The following FAM83A variants were observed in gnomAD, a reference collection of about 807,000 sequenced individuals.
FAM83A encodes the protein scaffolding CK1 anchoring protein A.
In FAM83A, 21 loss-of-function variants were observed where a neutral mutation model predicts 24.4. The ratio of observed to expected loss-of-function variants is 0.86; its 90% CI spans 0.61 to 1.24. The LOEUF (loss-of-function observed/expected upper bound fraction) is 1.24. Ranked by LOEUF, FAM83A falls within the 50% of genes most tolerant of loss-of-function variation. FAM83A has a pLI of 0.00. For synonymous variants in FAM83A, 270 were observed against 252.4 expected, an observed-to-expected ratio of 1.07 and a Z score of -0.66; for missense variants, 617 against 579.8, an observed-to-expected ratio of 1.06 and a Z score of -0.66.
Position 123,209,833 on chromosome 8 carries a change from T to G in FAM83A, c.*2145T>G. ...TGGGCACCTGTAACATGTGATGCGC[T>G]GCCTGCTGGGAGGTTAGGTCGGGGC... is the stretch of plus-strand genomic sequence containing the variant. On this transcript the variant is annotated 3_prime_UTR_variant, in exon 4 of 4. Transcript: ENST00000690554. The surrounding 1 kb of genome is among the most constrained non-coding windows in gnomAD (Gnocchi z 4.7). The G allele has an allele frequency of 1.5e-5, 6 of 410,706 alleles. No homozygotes were observed. Among genetic ancestry groups the G allele is most frequent in the Non-Finnish European group, 1.3e-5 (3 of 224,188 alleles). The allele number at this position is 410,706 out of a possible 1,614,324, so 25.4% of individuals were successfully genotyped here. A position where few individuals can be genotyped will look rare whatever the true frequency, so the allele number is the denominator to read the frequency against.
chr8:123,208,036 G>A (rs1206743517), exon 4 of FAM83A: 1 of 1,096,386 alleles, frequency 9.1e-7, no homozygotes, highest in South Asian at 4.5e-5. Flanking sequence ...AGGAAATGCA[G>A]CCCAAGTTTT....
chr8:123,191,958 C>T lies in FAM83A; in HGVS notation c.636C>T (p.Asp212=), dbSNP rs1267743418. The T allele has an allele frequency of 1.9e-6, 3 of 1,613,960 alleles. No homozygotes were observed. In the Admixed American group the frequency reaches 5.0e-5, roughly 27 times the overall value. ...TGTGTGACAAAGTCCAGATCTCTGACAGTCACCTCAAGGTAGGGGCCCCAA... is the reference window on the plus strand; with the variant it reads ...TGTGTGACAAAGTCCAGATCTCTGATAGTCACCTCAAGGTAGGGGCCCCAA... The change falls in exon 2 of 4, where the codon GAC becomes GAT. Residue 212 remains aspartate (D), a synonymous_variant. Coordinates refer to ENST00000690554, the Ensembl canonical transcript of FAM83A.
At chr8:123,207,864 T>C (rs1448001280) in exon 4 of FAM83A, 1 of 1,381,150 alleles carries the variant, frequency 7.2e-7, no homozygotes, top group Non-Finnish European at 9.3e-7. Context: ...CCCCCACCAG[T>C]TCTTGGGTTC....
intron 1 of FAM83A, among the ~76,000 whole-genome samples, chr8:123,186,082 C>T (rs1007834286): frequency 6.6e-6 from 1 of 152,186 alleles, no homozygotes; most frequent in African/African-American, 2.4e-5. Context: ...AGCCACCGTG[C>T]CTGGCCAGTT....
At chr8:123,193,699 C>T (rs1824051978) in intron 2 of FAM83A, among the ~76,000 whole-genome samples, 1 of 152,192 alleles carries the variant, frequency 6.6e-6, no homozygotes, top group Admixed American at 6.5e-5. Flanking sequence ...GCTGGGAACT[C>T]CAAGATCAAC....
intron 1 of FAM83A, among the ~76,000 whole-genome samples, chr8:123,183,621 G>T (rs1438788586): frequency 3.3e-5 from 5 of 151,228 alleles, no homozygotes; most frequent in Admixed American, 6.6e-5. Flanking sequence ...TCTCCATACT[G>T]CAGTAAAGTG....
intron 3 of FAM83A, among the ~76,000 whole-genome samples, chr8:123,194,433 C>A (rs921634563): frequency 4.0e-4 from 61 of 151,704 alleles, no homozygotes; most frequent in African/African-American, 1.1e-3. Flanking sequence ...ATATCTTAGA[C>A]GTGATTATAA....
At chr8:123,182,313 G>T (rs1306925301), upstream of FAM83A, 1 of 358,196 alleles carries the variant, frequency 2.8e-6, no homozygotes, top group Non-Finnish European at 5.6e-6. Flanking sequence ...ACACAGAGAG[G>T]GGGGCGCATC....
chr8:123,182,925 G>A, exon 1 of FAM83A: 1 of 1,551,740 alleles, frequency 6.4e-7, no homozygotes, highest in Non-Finnish European at 8.7e-7. Flanking sequence ...AGTGGGTCCG[G>A]CCAGCCAGGG....
chr8:123,207,877 C>G, exon 4 of FAM83A: 2 of 1,378,074 alleles, frequency 1.5e-6, no homozygotes, highest in Non-Finnish European at 1.9e-6. Flanking sequence ...TTGGGTTCCC[C>G]GCTCTAGTTT....
chr8:123,186,079 G>T (rs1034941486), intron 1 of FAM83A, among the ~76,000 whole-genome samples: 1 of 152,168 alleles, frequency 6.6e-6, no homozygotes. Flanking sequence ...ATGAGCCACC[G>T]TGCCTGGCCA....
chr8:123,209,575 A>G lies in FAM83A; in HGVS notation c.*1887A>G, dbSNP rs752652182. ...GACTGGGCCCGGCTGAACATTCCAA[A>G]TTGGATTTCACCATCTGCTGAGAAA... On this transcript the variant is annotated 3_prime_UTR_variant, in exon 4 of 4. Coordinates refer to ENST00000690554, the Ensembl canonical transcript of FAM83A. The surrounding 1 kb of genome is among the most constrained non-coding windows in gnomAD (Gnocchi z 4.7). 2 of 1,611,444 alleles carry G rather than the reference A, an allele frequency of 1.2e-6. No individual in the cohort carries two copies. The highest frequency in any genetic ancestry group is 2.7e-5 in the African/African-American group (2 of 74,838).
chr8:123,184,930 C>T (rs923078002), intron 1 of FAM83A, among the ~76,000 whole-genome samples: 2 of 152,136 alleles, frequency 1.3e-5, no homozygotes, highest in Admixed American at 1.3e-4. Flanking sequence ...AGTTCAATAC[C>T]GTGTGAAATC....
At position 123,191,937 on chromosome 8, in the gene FAM83A, T is replaced by G. The variant is rs1823995159; in HGVS notation, c.615T>G (p.Cys205Trp). 1.9e-6 allele frequency: 3 copies of G among 1,614,058 alleles called. No homozygotes were observed. In the South Asian group the frequency reaches 3.3e-5, roughly 18 times the overall value. The change falls in exon 2 of 4, where the codon TGT (cysteine) becomes TGG (tryptophan). Residue 205 changes from cysteine (C) to tryptophan (W), a missense_variant. Transcript: ENST00000690554. ...GTGTGAAGCTCTTCCAGGAGATGTG[T>G]GACAAAGTCCAGATCTCTGACAGTC...
chr8:123,181,898 C>T, upstream of FAM83A: 1 of 375,182 alleles, frequency 2.7e-6, no homozygotes, highest in Non-Finnish European at 5.5e-6. Context: ...CAGAGCCCAC[C>T]CAAAGAGAGT....
chr8:123,191,267 G>T (rs1246792458), intron 1 of FAM83A, among the ~76,000 whole-genome samples: 1 of 152,154 alleles, frequency 6.6e-6, no homozygotes, highest in Non-Finnish European at 1.5e-5. Flanking sequence ...AGTAGCTGTG[G>T]GTAGAGCGTG....
At chr8:123,194,076 G>C (rs1016026556) in exon 3 of FAM83A, 30 of 1,614,104 alleles carry the variant, frequency 1.9e-5, no homozygotes, top group Non-Finnish European at 2.5e-5. Flanking sequence ...AAGTCAGGCA[G>C]GAAATTCGCT....
intron 1 of FAM83A, among the ~76,000 whole-genome samples, chr8:123,189,077 A>G (rs773606428): frequency 1.3e-5 from 2 of 152,372 alleles, no homozygotes; most frequent in South Asian, 2.1e-4. Context: ...TCTTTTGTCA[A>G]TACCTTGGAA....
exon 2 of FAM83A, chr8:123,191,969 A>G: frequency 6.2e-7 from 1 of 1,614,058 alleles, no homozygotes; most frequent in Non-Finnish European, 8.5e-7. Flanking sequence ...AGTCACCTCA[A>G]GGTAGGGGCC....
Sources: allele counts gnomAD v4.1 joint callset (sites outside exome capture counted in the v4.1 genomes callset), GRCh38; gene constraint gnomAD v4.1.1; non-coding constraint Gnocchi (gnomAD v3.1); transcripts MANE v1.5; gene names NCBI Gene and HGNC (gene_info 2026-07-23, HGNC 2026-07-21).